Variants in CPED1 observed in about 807,000 individuals in gnomAD.
CPED1 encodes the protein cadherin-like and PC-esterase domain-containing protein 1.
A neutral mutation model predicts 128.2 loss-of-function variants in CPED1; 114 were observed. The ratio of observed to expected loss-of-function variants is 0.89; its 90% CI spans 0.76 to 1.04. The LOEUF (loss-of-function observed/expected upper bound fraction) is 1.04, where lower values mean the gene tolerates loss of function less well. Among genes scored for constraint, CPED1 ranks in the 50% least tolerant of loss-of-function variants. The pLI, the probability that CPED1 is intolerant of heterozygous loss-of-function variation, is 0.00. For synonymous variants in CPED1, 462 were observed against 426.7 expected (o/e 1.08, Z -1.02); for missense variants, 1,211 against 1,207.1 (o/e 1.00, Z -0.05).
intron 2 of CPED1, among the ~76,000 whole-genome samples, chr7:120,999,113 T>A (rs1791756647): frequency 6.6e-6 from 1 of 152,182 alleles, no homozygotes; most frequent in South Asian, 2.1e-4. Flanking sequence ...GAATTTGAAT[T>A]TGCCAACTCT....
intron 3 of CPED1, among the ~76,000 whole-genome samples, chr7:121,044,843 G>A (rs545197162): frequency 8.6e-5 from 13 of 151,880 alleles, no homozygotes; most frequent in African/African-American, 2.9e-4. Flanking sequence ...AGAAGGGTAC[G>A]CTTTAGACGT....
At chr7:121,038,101 C>A (rs987185818) in intron 3 of CPED1, among the ~76,000 whole-genome samples, 2 of 152,112 alleles carry the variant, frequency 1.3e-5, no homozygotes, top group African/African-American at 4.8e-5. Flanking sequence ...AGTTTGACTT[C>A]CTCTTTGCCA....
chr7:121,046,934 G>A lies in CPED1; in HGVS notation c.481G>A (p.Ala161Thr), dbSNP rs138873093. Reference protein sequence around the residue: ...DLLICLSSKKAEGTPCISKEV... With the variant: ...DLLICLSSKKTEGTPCISKEV... Reference sequence around the variant, plus strand: ...GCTCATTTGCCTGTCTTCTAAGAAAGCAGAAGGAACACCCTGTATATCCAA... The same window carrying A: ...GCTCATTTGCCTGTCTTCTAAGAAAACAGAAGGAACACCCTGTATATCCAA... Residue 161 changes from alanine to threonine, a missense_variant, in exon 4 of 23, where the codon GCA becomes ACA. Transcript: ENST00000310396. 1 of 1,612,720 alleles carries A rather than the reference G, an allele frequency of 6.2e-7. No homozygotes were observed. The highest frequency in any genetic ancestry group is 1.3e-5 in the African/African-American group (1 of 74,856).
At chr7:121,144,278 G>A (rs903268770) in intron 16 of CPED1, among the ~76,000 whole-genome samples, 6 of 152,060 alleles carry the variant, frequency 3.9e-5, no homozygotes, top group Admixed American at 1.3e-4. Context: ...CCAAGATATG[G>A]AATCAACCTA....
At chr7:121,006,064 C>A (rs971857845) in intron 2 of CPED1, among the ~76,000 whole-genome samples, 3 of 152,108 alleles carry the variant, frequency 2.0e-5, no homozygotes, top group African/African-American at 7.2e-5. Context: ...AATGTTTGGT[C>A]GACCGCATGA....
intron 16 of CPED1, among the ~76,000 whole-genome samples, chr7:121,142,708 A>G (rs529085737): frequency 2.6e-5 from 4 of 152,128 alleles, no homozygotes; most frequent in African/African-American, 7.2e-5. Context: ...AGAAGGATGA[A>G]TGTTACCCTA....
At chr7:121,208,255 A>G (rs1012792655) in intron 16 of CPED1, among the ~76,000 whole-genome samples, 2 of 152,070 alleles carry the variant, frequency 1.3e-5, no homozygotes, top group South Asian at 2.1e-4. Flanking sequence ...CCATGTGTAT[A>G]GTATGCATAC....
chr7:121,157,528 T>C (rs950410132), intron 16 of CPED1, among the ~76,000 whole-genome samples: 1 of 152,152 alleles, frequency 6.6e-6, no homozygotes, highest in Non-Finnish European at 1.5e-5. Context: ...AGTTAGGCCA[T>C]TGGTGAGTCT....
chr7:121,157,381 A>G (rs1796312005), intron 16 of CPED1, among the ~76,000 whole-genome samples: 1 of 152,192 alleles, frequency 6.6e-6, no homozygotes, highest in African/African-American at 2.4e-5. Flanking sequence ...GAGCCCTGCA[A>G]CAATTACGTG....
intron 12 of CPED1, among the ~76,000 whole-genome samples, chr7:121,130,887 A>G (rs1417344132): frequency 6.6e-6 from 1 of 152,098 alleles, no homozygotes; most frequent in African/African-American, 2.4e-5. Context: ...AATGAGAGGT[A>G]GTAATTAGGG....
At chr7:121,068,436 A>G (rs1391264644) in intron 5 of CPED1, among the ~76,000 whole-genome samples, 3 of 151,872 alleles carry the variant, frequency 2.0e-5, no homozygotes, top group South Asian at 2.1e-4. Context: ...GATATGTGGC[A>G]TTATTTCTGA....
chr7:121,064,659 A>G (rs981947747), intron 5 of CPED1, among the ~76,000 whole-genome samples: 1 of 152,178 alleles, frequency 6.6e-6, no homozygotes, highest in Non-Finnish European at 1.5e-5. Flanking sequence ...TTATCAAAGT[A>G]TATATTTCTT....
intron 2 of CPED1, among the ~76,000 whole-genome samples, chr7:121,013,275 G>A (rs552557865): frequency 1.4e-4 from 22 of 152,264 alleles, no homozygotes; most frequent in South Asian, 4.1e-4. Context: ...GGGGAGAATC[G>A]TGTCCCAACT....
chr7:121,188,611 G>A (rs1013211399), intron 16 of CPED1, among the ~76,000 whole-genome samples: 1 of 152,086 alleles, frequency 6.6e-6, no homozygotes, highest in Non-Finnish European at 1.5e-5. Context: ...TTCCAAAACT[G>A]AGCCTTGAGG....
intron 16 of CPED1, among the ~76,000 whole-genome samples, chr7:121,212,521 A>G (rs928233836): frequency 6.6e-6 from 1 of 152,032 alleles, no homozygotes; most frequent in African/African-American, 2.4e-5. Context: ...TCTCGAGTTG[A>G]CCATGTTCTT....
chr7:121,026,086 T>G (rs1223286700), intron 3 of CPED1, among the ~76,000 whole-genome samples: 3 of 152,184 alleles, frequency 2.0e-5, no homozygotes, highest in African/African-American at 7.2e-5. Context: ...GCAGTCTTCC[T>G]TAAGCTCTGA....
At chr7:121,186,692 T>A (rs1172061821) in intron 16 of CPED1, among the ~76,000 whole-genome samples, 1 of 152,156 alleles carries the variant, frequency 6.6e-6, no homozygotes, top group Non-Finnish European at 1.5e-5. Flanking sequence ...AATATTTTTA[T>A]CTTAAAATTA....
intron 11 of CPED1, among the ~76,000 whole-genome samples, chr7:121,128,810 A>G (rs1357798019): frequency 1.3e-5 from 2 of 152,148 alleles, no homozygotes; most frequent in Non-Finnish European, 2.9e-5. Flanking sequence ...GAACATTTAC[A>G]TGCAACCAAA....
chr7:121,118,064 C>T, intron 7 of CPED1, among the ~76,000 whole-genome samples: 1 of 152,218 alleles, frequency 6.6e-6, no homozygotes, highest in South Asian at 2.1e-4. Context: ...TCATGATAAA[C>T]CACTATGTGA....
Sources: gnomAD v4.1 joint callset for allele counts (sites outside exome capture counted in the v4.1 genomes callset) on GRCh38, gnomAD v4.1.1 for gene constraint, MANE v1.5 for transcripts, NCBI Gene and HGNC (gene_info 2026-07-23, HGNC 2026-07-21) for gene names.